Variants in IQCF5 observed in about 807,000 individuals in gnomAD.
IQCF5 encodes the protein IQ motif containing F5.
A neutral mutation model predicts 3.4 loss-of-function variants in IQCF5; 2 were observed. The ratio of observed to expected loss-of-function variants is 0.58; its 90% CI spans 0.24 to 1.84. The LOEUF (loss-of-function observed/expected upper bound fraction) is 1.84, where lower values mean the gene tolerates loss of function less well. IQCF5 is among the 40% of genes most tolerant of loss of function. The pLI, the probability that IQCF5 is intolerant of heterozygous loss-of-function variation, is 0.17. For missense variants in IQCF5, 167 were observed against 191.6 expected, an observed-to-expected ratio of 0.87 and a Z score of 0.76; for synonymous variants, 58 against 64.7, an observed-to-expected ratio of 0.90 and a Z score of 0.49.
At chr3:51,875,425 A>G in intron 1 of IQCF5, 103 bp downstream of exon 1, 1 of 1,276,858 alleles carries the variant, frequency 7.8e-7, no homozygotes, top group Non-Finnish European at 1.1e-6. Context: ...TGGGGAACTT[A>G]CTCTCCCCTC....
intron 1 of IQCF5, 57 bp from the exon 2 acceptor site, chr3:51,874,232 A>G (rs898716275): frequency 2.7e-6 from 4 of 1,486,514 alleles, no homozygotes; most frequent in Middle Eastern, 1.7e-4. Flanking sequence ...CTGATCCTCT[A>G]TCAATGATGG....
chr3:51,874,084 C>A lies in IQCF5; in HGVS notation c.96G>T (p.Leu32=), dbSNP rs753455836. ...WRGMLVRRTL[L]HAALRAWIIQ... Reference sequence around the variant, plus strand: ...TGATCCAAGCCCTGAGGGCTGCATGCAGCAGTGTGCGTCGCACCAGCATGC... The same window carrying A: ...TGATCCAAGCCCTGAGGGCTGCATGAAGCAGTGTGCGTCGCACCAGCATGC... The change falls in exon 2 of 2, where the codon CTG becomes CTT. Residue 32 remains leucine, a synonymous_variant. Transcript: ENST00000446461. 3 of 1,553,140 alleles carry A rather than the reference C, an allele frequency of 1.9e-6. No individual in the cohort carries two copies. Among genetic ancestry groups the A allele is most frequent in the Non-Finnish European group, 1.7e-6 (2 of 1,147,730 alleles).
chr3:51,874,269 G>A, intron 1 of IQCF5, 94 bp from the exon 2 acceptor site: 2 of 1,287,858 alleles, frequency 1.6e-6, no homozygotes, highest in Non-Finnish European at 2.2e-6. Flanking sequence ...TCAGCACTGG[G>A]CAGGGCAACA....
chr3:51,874,072 G>A lies in IQCF5; in HGVS notation c.108C>T (p.Leu36=), dbSNP rs1328151958. The change falls in exon 2 of 2, where the codon CTC becomes CTT. Residue 36 remains leucine, a synonymous_variant. Transcript: ENST00000446461. ...ACCAGCACTGAATGATCCAAGCCCT[G>A]AGGGCTGCATGCAGCAGTGTGCGTC... ...LVRRTLLHAA[L]RAWIIQCWWR... is the part of the protein sequence containing the mutation. 6.4e-7 allele frequency: 1 copy of A among 1,553,338 alleles called. No homozygotes were observed. The highest frequency in any genetic ancestry group is 1.2e-5 in the South Asian group (1 of 84,144).
At chr3:51,875,392 G>C in intron 1 of IQCF5, 136 bp downstream of exon 1, 3 of 926,562 alleles carry the variant, frequency 3.2e-6, no homozygotes, top group Admixed American at 2.0e-5. Flanking sequence ...AAACATGGAG[G>C]GGGGTCCTGT....
intron 1 of IQCF5, chr3:51,874,462 A>G: frequency 1.7e-6 from 1 of 596,950 alleles, no homozygotes; most frequent in South Asian, 1.5e-5. Context: ...GAACACTGTG[A>G]CTTAGAGGTA....
intron 1 of IQCF5, chr3:51,874,774 C>G (rs374275793): frequency 3.7e-6 from 1 of 267,988 alleles, no homozygotes; most frequent in Non-Finnish European, 7.4e-6. Flanking sequence ...GCCCCCAGCC[C>G]TATATGGTCC....
intron 1 of IQCF5, 69 bp from the exon 2 acceptor site, chr3:51,874,244 T>C: frequency 6.8e-7 from 1 of 1,460,306 alleles, no homozygotes; most frequent in Non-Finnish European, 9.3e-7. Context: ...CAATGATGGC[T>C]CCTTCCTCTA....
rs1473287488 is a variant in IQCF5, at chr3:51,874,158, T to C, written c.22A>G (p.Ile8Val). 2 of 1,551,404 alleles carry C rather than the reference T, an allele frequency of 1.3e-6. No homozygotes were observed. The highest frequency in any genetic ancestry group is 2.0e-5 in the Admixed American group (1 of 50,998). Residue 8 changes from isoleucine to valine, a missense_variant, in exon 2 of 2, where the codon ATC (isoleucine) becomes GTC (valine). By Grantham distance (29) the Ile-to-Val change is conservative. Coordinates refer to ENST00000446461, the MANE Select transcript of IQCF5 (RefSeq NM_001145059.2). ...ACAGCTGCAGACCTTTCTGTCATGA[T>C]GGTCTTCTCTTCTGGGCCTTACAAG... MGPEEKTIMTERSAAVFI... is the reference protein window; with the variant it reads MGPEEKTVMTERSAAVFI...
In IQCF5 at chr3:51,874,053, A is replaced by C. The variant is rs772556429; in HGVS notation, c.127T>G (p.Cys43Gly). 1.0e-5 allele frequency: 16 copies of C among 1,553,390 alleles called. No homozygotes were observed. In the East Asian group the frequency reaches 3.7e-4, roughly 35 times the overall value. ...HAALRAWIIQ[C>G]WWRQVLEKLL... ...TTCTCCAGCACCTGCCTCCACCAGC[A>C]CTGAATGATCCAAGCCCTGAGGGCT... Residue 43 changes from cysteine to glycine, a missense_variant, in exon 2 of 2, where the codon TGC becomes GGC. By Grantham distance (159) the Cys-to-Gly change is radical. Coordinates refer to ENST00000446461, the MANE Select transcript of IQCF5 (RefSeq NM_001145059.2).
rs930088622 is a variant in IQCF5, at chr3:51,873,760, T to A, written c.420A>T (p.Gln140His). The A allele has an allele frequency of 6.4e-7, 1 of 1,551,636 alleles. No individual in the cohort carries two copies. Among genetic ancestry groups the A allele is most frequent in the Non-Finnish European group, 8.7e-7 (1 of 1,146,908 alleles). ...ATTCTTTTAATGGAAGGGGTATGCA[T>A]TGTTGCACCTTACAAGCCTGTAAGC... Reference protein sequence around the residue: ...SLGLQACKVQQCIPLPLKE With the variant: ...SLGLQACKVQHCIPLPLKE The change falls in exon 2 of 2, where the codon CAA becomes CAT. Residue 140 changes from glutamine (Q) to histidine (H), a missense_variant. Coordinates refer to ENST00000446461, the MANE Select transcript of IQCF5 (RefSeq NM_001145059.2).
rs1369916277 is a variant in IQCF5, at chr3:51,874,193, A to G, written c.5-18T>C. 13 of 1,547,212 alleles carry G rather than the reference A, an allele frequency of 8.4e-6. No individual in the cohort carries two copies. Among genetic ancestry groups the G allele is most frequent in the Non-Finnish European group, 1.1e-5 (13 of 1,143,932 alleles). On this transcript the variant is annotated intron_variant, in intron 1 of 1. Coordinates refer to ENST00000446461, the MANE Select transcript of IQCF5 (RefSeq NM_001145059.2). ...TTCTGGGCCTTACAAGAGAAAACAG[A>G]CACACTCAGGGTATGCTAGGAAGGG...
chr3:51,875,371 T>C lies in IQCF5; in HGVS notation c.4+157A>G, dbSNP rs1698785006. On this transcript the variant is annotated intron_variant, in intron 1 of 1. Transcript: ENST00000446461. ...GTTTCTAGACAGCTTCCTGGCTTTC[T>C]CTAGGACTTCAAACATGGAGGGGGG... 14 of 808,126 alleles carry C rather than the reference T, an allele frequency of 1.7e-5. No individual in the cohort carries two copies. The South Asian group carries it at 2.2e-4, about 13-fold the overall frequency. 50.1% of individuals were successfully genotyped at this position (808,126 alleles called of 1,614,324 possible).
intron 1 of IQCF5, 146 bp from the exon 2 acceptor site, chr3:51,874,321 C>G: frequency 1.2e-6 from 1 of 805,566 alleles, no homozygotes; most frequent in African/African-American, 1.7e-5. Context: ...CCTCTGCCAC[C>G]CACAGGTTAG....
At chr3:51,874,203 G>T (rs1263109289) in intron 1 of IQCF5, 28 bp from the exon 2 acceptor site, 1 of 1,544,474 alleles carries the variant, frequency 6.5e-7, no homozygotes, top group South Asian at 1.2e-5. Flanking sequence ...ACACACTCAG[G>T]GTATGCTAGG....
chr3:51,874,696 A>C, intron 1 of IQCF5: 1 of 342,494 alleles, frequency 2.9e-6, no homozygotes, highest in South Asian at 2.3e-5. Context: ...CTGTACAAAC[A>C]TGCACACTCC....
In IQCF5 at chr3:51,874,176, CT is replaced by C; in HGVS notation, c.5-2del. On this transcript the variant is annotated splice_acceptor_variant, in intron 1 of 1. Transcript: ENST00000446461. LOFTEE classifies it high-confidence loss of function. ...GTCATGATGGTCTTCTCTTCTGGGCCTTACAAGAGAAAACAGACACACTCAG... is the reference window on the plus strand; with the variant it reads ...GTCATGATGGTCTTCTCTTCTGGGCCTACAAGAGAAAACAGACACACTCAG... 6.5e-7 allele frequency: 1 copy of C among 1,549,002 alleles called. No homozygotes were observed. The highest frequency in any genetic ancestry group is 8.7e-7 in the Non-Finnish European group (1 of 1,145,040).
intron 1 of IQCF5, chr3:51,875,114 T>G (rs1439494555): frequency 4.6e-6 from 1 of 219,580 alleles, no homozygotes. Context: ...CACGGAGTTG[T>G]GGGTAAGGGT....
rs1698784678 is a variant in IQCF5 at position 51,875,331 on chromosome 3, A to G, written c.4+197T>C. 6.2e-6 allele frequency: 4 copies of G among 649,374 alleles called. No individual in the cohort carries two copies. In the Admixed American group the frequency reaches 9.6e-5, roughly 16 times the overall value. The allele number at this position is 649,374 out of a possible 1,614,324, so 40.2% of individuals were successfully genotyped here. ...TCTCCCACTGCTAGGTGCCAAGTCA[A>G]ACACCATTCTCACTGTTTCTAGACA... On this transcript the variant is annotated intron_variant, in intron 1 of 1. Transcript: ENST00000446461.
Sources: allele counts gnomAD v4.1 joint callset, GRCh38; gene constraint gnomAD v4.1.1; transcripts MANE v1.5; gene names NCBI Gene and HGNC (gene_info 2026-07-23, HGNC 2026-07-21).